FGD6: variants seen among roughly 807,000 people sequenced by gnomAD.
The protein encoded by FGD6 is FYVE, RhoGEF and PH domain containing 6, also known as FYVE, RhoGEF and PH domain-containing protein 6.
A neutral mutation model predicts 149.4 loss-of-function variants in FGD6; 90 were observed. The ratio of observed to expected loss-of-function variants is 0.60; its 90% CI spans 0.51 to 0.72. FGD6 has a LOEUF of 0.72. Among genes scored for constraint, FGD6 ranks in the 30% least tolerant of loss-of-function variants. The probability of loss-of-function intolerance (pLI) is 0.00; values close to 1 mark genes in which losing one functional copy is unlikely to be tolerated. For synonymous variants in FGD6, 527 were observed against 584.0 expected, an observed-to-expected ratio of 0.90 and a Z score of 1.41; for missense variants, 1,437 against 1,684.8, an observed-to-expected ratio of 0.85 and a Z score of 2.57.
chr12:95,122,633 G>A (rs927801511), intron 8 of FGD6, among the ~76,000 whole-genome samples: 9 of 107,732 alleles, frequency 8.4e-5, no homozygotes, highest in South Asian at 7.1e-4. Flanking sequence ...GCAACAGAGC[G>A]AGACTCAGTC....
intron 11 of FGD6, 129 bp from the exon 12 acceptor site, chr12:95,107,760 T>C: frequency 2.4e-6 from 2 of 848,758 alleles, no homozygotes; most frequent in Non-Finnish European, 3.8e-6. Context: ...TTCCTTGAGA[T>C]TTTTTACAGT....
At chr12:95,163,829 T>C (rs1314049553) in intron 3 of FGD6, among the ~76,000 whole-genome samples, 1 of 152,240 alleles carries the variant, frequency 6.6e-6, no homozygotes, top group Middle Eastern at 3.4e-3. Flanking sequence ...TAAAAATTAT[T>C]AGAAATAAGT....
intron 3 of FGD6, among the ~76,000 whole-genome samples, chr12:95,167,092 T>C (rs1408053623): frequency 3.3e-5 from 5 of 152,250 alleles, no homozygotes; most frequent in Non-Finnish European, 4.4e-5. Flanking sequence ...CCTGACCTAG[T>C]GATCTGCCCA....
chr12:95,124,311 A>T (rs1482907373), intron 8 of FGD6, among the ~76,000 whole-genome samples: 2 of 152,200 alleles, frequency 1.3e-5, no homozygotes, highest in Non-Finnish European at 2.9e-5. Context: ...GTCGAGCCAC[A>T]CTTAAAAGAA....
intron 7 of FGD6, among the ~76,000 whole-genome samples, chr12:95,135,565 C>T (rs1879642044): frequency 6.6e-6 from 1 of 152,164 alleles, no homozygotes. Flanking sequence ...GAGCCTCACC[C>T]TCATTCTCCA....
At chr12:95,109,655 G>C (rs1878749907) in intron 9 of FGD6, among the ~76,000 whole-genome samples, 3 of 152,092 alleles carry the variant, frequency 2.0e-5, no homozygotes, top group Non-Finnish European at 4.4e-5. Flanking sequence ...TTGAGCTCAG[G>C]AGATCGAGAC....
chr12:95,199,320 T>C (rs1459026725), intron 2 of FGD6, among the ~76,000 whole-genome samples: 3 of 152,234 alleles, frequency 2.0e-5, no homozygotes, highest in Non-Finnish European at 4.4e-5. Context: ...ATCCTAAGAC[T>C]ATATTTAACC....
intron 8 of FGD6, among the ~76,000 whole-genome samples, chr12:95,131,012 T>C (rs907875153): frequency 2.6e-5 from 4 of 152,186 alleles, no homozygotes; most frequent in Admixed American, 6.5e-5. Flanking sequence ...CATTTCACCT[T>C]TGTGCTTGTG....
intron 6 of FGD6, among the ~76,000 whole-genome samples, chr12:95,139,163 G>C (rs1879767841): frequency 1.3e-5 from 2 of 152,168 alleles, no homozygotes; most frequent in South Asian, 4.1e-4. Context: ...AATTAGGCTA[G>C]GTGCAGTGGC....
chr12:95,105,818 C>G (rs1343445400), intron 13 of FGD6, among the ~76,000 whole-genome samples: 1 of 152,070 alleles, frequency 6.6e-6, no homozygotes. Context: ...GAGGTCAGGA[C>G]TTTGAGACCA....
intron 20 of FGD6, among the ~76,000 whole-genome samples, chr12:95,083,523 A>G (rs1412517693): frequency 6.6e-6 from 1 of 152,208 alleles, no homozygotes; most frequent in East Asian, 1.9e-4. Flanking sequence ...TAATTTTTAT[A>G]GAAAAGATGG....
intron 19 of FGD6, 106 bp from the exon 20 acceptor site, chr12:95,084,752 T>C: frequency 1.1e-6 from 1 of 902,718 alleles, no homozygotes; most frequent in Non-Finnish European, 1.6e-6. Context: ...ATTATTCACA[T>C]ATAAGGTAAT....
intron 2 of FGD6, among the ~76,000 whole-genome samples, chr12:95,194,200 T>C (rs1034505878): frequency 2.0e-5 from 3 of 151,158 alleles, no homozygotes; most frequent in African/African-American, 7.3e-5. Context: ...GCTGGGGTTA[T>C]AGGCATGAGC....
At chr12:95,136,122 G>T (rs1879659375) in intron 7 of FGD6, among the ~76,000 whole-genome samples, 1 of 152,134 alleles carries the variant, frequency 6.6e-6, no homozygotes, top group Non-Finnish European at 1.5e-5. Flanking sequence ...CACTTTGAGA[G>T]GCCAAGGTGG....
chr12:95,165,402 C>T (rs976334172), intron 3 of FGD6, among the ~76,000 whole-genome samples: 3 of 151,320 alleles, frequency 2.0e-5, no homozygotes, highest in South Asian at 2.1e-4. Flanking sequence ...GGTGCGATCT[C>T]GGCTCACTGC....
chr12:95,193,756 T>C (rs923111122), intron 2 of FGD6, among the ~76,000 whole-genome samples: 1 of 152,026 alleles, frequency 6.6e-6, no homozygotes, highest in African/African-American at 2.4e-5. Context: ...CTCAAACTCC[T>C]GACCCCAGGT....
chr12:95,086,435 G>C (rs1171782665), intron 18 of FGD6, among the ~76,000 whole-genome samples: 1 of 150,410 alleles, frequency 6.6e-6, no homozygotes, highest in African/African-American at 2.4e-5. Context: ...CCAAATTATA[G>C]TAAGAAAGAA....
At chr12:95,197,783 C>T (rs1250348140) in intron 2 of FGD6, among the ~76,000 whole-genome samples, 1 of 152,144 alleles carries the variant, frequency 6.6e-6, no homozygotes, top group Non-Finnish European at 1.5e-5. Flanking sequence ...AAATATGAGA[C>T]ATGCATAATC....
At chr12:95,089,153 G>A (rs1877969218) in intron 18 of FGD6, among the ~76,000 whole-genome samples, 1 of 152,234 alleles carries the variant, frequency 6.6e-6, no homozygotes, top group African/African-American at 2.4e-5. Flanking sequence ...TTAAAGGAAA[G>A]ACAACCTACT....
Sources: gnomAD v4.1 joint callset for allele counts (sites outside exome capture counted in the v4.1 genomes callset) on GRCh38, gnomAD v4.1.1 for gene constraint, MANE v1.5 for transcripts, NCBI Gene and HGNC (gene_info 2026-07-23, HGNC 2026-07-21) for gene names.